The following NFIC variants were observed in gnomAD, a reference collection of about 807,000 sequenced individuals.
The protein encoded by NFIC is nuclear factor I C.
Under a neutral mutation model 54.4 loss-of-function variants are expected in NFIC, and 12 were observed. The ratio of observed to expected loss-of-function variants is 0.22; its 90% CI spans 0.14 to 0.36. NFIC has a LOEUF of 0.36. NFIC is among the 10% of genes least tolerant of loss of function. NFIC has a pLI of 1.00. For synonymous variants in NFIC, 322 were observed against 319.2 expected (o/e 1.01, Z -0.09); for missense variants, 575 against 718.2 (o/e 0.80, Z 2.28).
At chr19:3,413,706 C>T (rs2081802691) in intron 2 of NFIC, among the ~76,000 whole-genome samples, 1 of 152,112 alleles carries the variant, frequency 6.6e-6, no homozygotes, top group South Asian at 2.1e-4. Flanking sequence ...ATGGCGCGAT[C>T]TTGGCTCACT....
At chr19:3,404,116 T>TC (rs1021088887) in intron 2 of NFIC, among the ~76,000 whole-genome samples, 3 of 145,936 alleles carry the variant, frequency 2.1e-5, no homozygotes, top group Admixed American at 6.9e-5. Context: ...CTCCCAGGGC[T>TC]CCCCCCGAGG....
intron 2 of NFIC, among the ~76,000 whole-genome samples, chr19:3,401,838 C>T (rs1005156354): frequency 6.6e-6 from 1 of 151,858 alleles, no homozygotes; most frequent in South Asian, 2.1e-4. Context: ...TCTCCTGCCT[C>T]AGCCTCCTGA....
intron 9 of NFIC, among the ~76,000 whole-genome samples, chr19:3,456,302 C>T (rs1309321807): frequency 6.6e-6 from 1 of 152,248 alleles, no homozygotes; most frequent in Non-Finnish European, 1.5e-5. Context: ...GACACCCCGC[C>T]CACCTGGGCG....
upstream of NFIC, among the ~76,000 whole-genome samples, chr19:3,362,409 CTG>C (rs35259047): frequency 4.0e-3 from 596 of 148,876 alleles, 2 homozygotes; most frequent in African/African-American, 0.013. Flanking sequence ...CCATGTGGGT[CTG>C]TGTGTGTGTG....
At chr19:3,428,156 G>A (rs371089218) in intron 3 of NFIC, among the ~76,000 whole-genome samples, 3 of 139,304 alleles carry the variant, frequency 2.2e-5, no homozygotes, top group African/African-American at 7.9e-5. Context: ...GGCAACAAGA[G>A]TAAAAACTCC....
chr19:3,371,691 AGT>A (rs2081013357), intron 1 of NFIC: 1 of 152,100 alleles, frequency 6.6e-6, no homozygotes, highest in African/African-American at 2.4e-5. Context: ...TTGCTAAACT[AGT>A]AATTGCATTG....
upstream of NFIC, among the ~76,000 whole-genome samples, chr19:3,363,257 ATATATATATATAT>A (rs1349781815): frequency 3.3e-3 from 51 of 15,588 alleles, 1 homozygote; most frequent in South Asian, 0.018. Context: ...ATATATATAT[ATATATATATATAT>A]TTTTTTTTTT....
chr19:3,372,718 G>C (rs1213037467), intron 1 of NFIC, among the ~76,000 whole-genome samples: 1 of 150,174 alleles, frequency 6.7e-6, no homozygotes. Context: ...GGGGTGGGGG[G>C]GTGCCAGGAG....
At chr19:3,395,956 C>T (rs974710968) in intron 2 of NFIC, among the ~76,000 whole-genome samples, 12 of 152,030 alleles carry the variant, frequency 7.9e-5, no homozygotes, top group African/African-American at 2.7e-4. Flanking sequence ...CTACCATGCC[C>T]GGCCTTATTT....
At chr19:3,381,109 G>A (rs954547961) in intron 1 of NFIC, among the ~76,000 whole-genome samples, 2 of 152,096 alleles carry the variant, frequency 1.3e-5, no homozygotes, top group Non-Finnish European at 2.9e-5. Flanking sequence ...GGTCCTCCAC[G>A]GCTGGGCATG....
At chr19:3,430,913 CAG>C (rs2082109462) in intron 3 of NFIC, among the ~76,000 whole-genome samples, 1 of 130,480 alleles carries the variant, frequency 7.7e-6, no homozygotes, top group Admixed American at 8.0e-5. Flanking sequence ...GCCTGGGCGA[CAG>C]AGTGAGACTC....
In NFIC at chr19:3,463,862, C is replaced by G. The variant is rs1334846729; in HGVS notation, c.*1093C>G. 48 of 984,346 alleles carry G rather than the reference C, an allele frequency of 4.9e-5. No homozygotes were observed. Among genetic ancestry groups the G allele is most frequent in the South Asian group, 1.4e-4 (3 of 21,226 alleles). The allele number at this position is 984,346 out of a possible 1,614,324, so 61.0% of individuals were successfully genotyped here. ...GTGCCTGATTACCACCACCCGCCCCCCCCTTTGTCCAGCTGGGACACGGAA... is the reference window on the plus strand; with the variant it reads ...GTGCCTGATTACCACCACCCGCCCCGCCCTTTGTCCAGCTGGGACACGGAA... On this transcript the variant is annotated 3_prime_UTR_variant, in exon 11 of 11. Coordinates refer to ENST00000443272, the MANE Select transcript of NFIC (RefSeq NM_001245002.2).
intron 6 of NFIC, among the ~76,000 whole-genome samples, chr19:3,444,543 G>A (rs1016169725): frequency 2.6e-5 from 4 of 152,192 alleles, no homozygotes; most frequent in Non-Finnish European, 5.9e-5. Flanking sequence ...AGAGCCTGCC[G>A]GGAGCGTGCC....
intron 2 of NFIC, 95 bp downstream of exon 2, chr19:3,382,338 G>C (rs1248997113): frequency 6.7e-7 from 1 of 1,491,128 alleles, no homozygotes; most frequent in Non-Finnish European, 9.0e-7. Context: ...AGGCCAGTGC[G>C]TGTGGGTATG....
intron 2 of NFIC, among the ~76,000 whole-genome samples, chr19:3,414,534 G>A (rs958963604): frequency 1.3e-5 from 2 of 151,970 alleles, no homozygotes; most frequent in African/African-American, 2.4e-5. Context: ...GGTGGAGGTT[G>A]CAGTGAGCCG....
At position 3,463,879 on chromosome 19, in the gene NFIC, G is replaced by A. The variant is rs937383266; in HGVS notation, c.*1110G>A. 25 of 982,334 alleles carry A rather than the reference G, an allele frequency of 2.5e-5. No individual in the cohort carries two copies. The highest frequency in any genetic ancestry group is 5.2e-4 in the Middle Eastern group (1 of 1,910). 60.9% of individuals were successfully genotyped at this position (982,334 alleles called of 1,614,324 possible). On this transcript the variant is annotated 3_prime_UTR_variant, in exon 11 of 11. Transcript: ENST00000443272. ...CCCGCCCCCCCCTTTGTCCAGCTGG[G>A]ACACGGAATGGCCGCGGGCCTCCTC...
intron 2 of NFIC, among the ~76,000 whole-genome samples, chr19:3,403,235 G>A (rs1438463278): frequency 6.6e-6 from 1 of 152,154 alleles, no homozygotes; most frequent in Non-Finnish European, 1.5e-5. Flanking sequence ...GAAGGAGAAA[G>A]TTTCCTTCTA....
At chr19:3,393,933 T>C (rs573850586) in intron 2 of NFIC, among the ~76,000 whole-genome samples, 6 of 152,072 alleles carry the variant, frequency 3.9e-5, no homozygotes, top group Admixed American at 3.9e-4. Context: ...TAACATTATT[T>C]TAAGTAATGT....
At chr19:3,368,196 C>G (rs1267072390) in intron 1 of NFIC, among the ~76,000 whole-genome samples, 1 of 152,186 alleles carries the variant, frequency 6.6e-6, no homozygotes, top group African/African-American at 2.4e-5. Context: ...GAGGTGTCCC[C>G]GCTCTGTCCT....
Sources: gnomAD v4.1 joint callset for allele counts (sites outside exome capture counted in the v4.1 genomes callset) on GRCh38, gnomAD v4.1.1 for gene constraint, MANE v1.5 for transcripts, NCBI Gene and HGNC (gene_info 2026-07-23, HGNC 2026-07-21) for gene names.